FBXL7: variants seen among roughly 807,000 people sequenced by gnomAD.
FBXL7 encodes the protein F-box/LRR-repeat protein 7.
Under a neutral mutation model 38.3 loss-of-function variants are expected in FBXL7, and 12 were observed. The ratio of observed to expected loss-of-function variants is 0.31; its 90% CI spans 0.20 to 0.51. The LOEUF is 0.51. Ranked by LOEUF, FBXL7 falls within the 20% of genes least tolerant of loss-of-function variation. The probability of loss-of-function intolerance (pLI) is 0.98; values close to 1 mark genes in which losing one functional copy is unlikely to be tolerated. For synonymous variants in FBXL7, 297 were observed against 300.9 expected (o/e 0.99, Z 0.13); for missense variants, 567 against 676.4 (o/e 0.84, Z 1.79).
intron 2 of FBXL7, among the ~76,000 whole-genome samples, chr5:15,777,783 T>C (rs1736896556): frequency 6.7e-6 from 1 of 148,928 alleles, no homozygotes; most frequent in Non-Finnish European, 1.5e-5. Context: ...ACTTTTTTCT[T>C]AGATTAGAAT....
intron 2 of FBXL7, among the ~76,000 whole-genome samples, chr5:15,783,842 G>C (rs1410286998): frequency 6.6e-6 from 1 of 152,188 alleles, no homozygotes; most frequent in Admixed American, 6.5e-5. Context: ...GGAAAAGAAT[G>C]GAGTTTTGGA....
intron 2 of FBXL7, among the ~76,000 whole-genome samples, chr5:15,622,984 C>T (rs552394371): frequency 3.3e-5 from 5 of 152,276 alleles, no homozygotes; most frequent in East Asian, 1.9e-4. Context: ...GGATTACAGG[C>T]GTGAGCCACC....
chr5:15,658,143 A>C (rs1741939126), intron 2 of FBXL7, among the ~76,000 whole-genome samples: 1 of 152,192 alleles, frequency 6.6e-6, no homozygotes, highest in Non-Finnish European at 1.5e-5. Flanking sequence ...GTTTGGAAGG[A>C]GTACAGTGTC....
At chr5:15,921,349 C>G (rs998273616) in intron 2 of FBXL7, among the ~76,000 whole-genome samples, 1 of 147,910 alleles carries the variant, frequency 6.8e-6, no homozygotes, top group Non-Finnish European at 1.5e-5. Context: ...CCATTGCACT[C>G]CAGCCTGGGT....
At chr5:15,811,313 C>T (rs562430034) in intron 2 of FBXL7, among the ~76,000 whole-genome samples, 8 of 152,118 alleles carry the variant, frequency 5.3e-5, no homozygotes, top group Non-Finnish European at 1.2e-4. Context: ...GCTCTGGAGT[C>T]GAAAAGTCCA....
chr5:15,785,078 C>T (rs75803106), intron 2 of FBXL7, among the ~76,000 whole-genome samples: 1,634 of 152,290 alleles, frequency 0.011, 12 homozygotes, highest in Non-Finnish European at 0.017. Context: ...TTCTGTCTAA[C>T]TAGCACGAGA....
intron 1 of FBXL7, among the ~76,000 whole-genome samples, chr5:15,536,188 A>T (rs975716406): frequency 6.6e-6 from 1 of 152,242 alleles, no homozygotes; most frequent in Non-Finnish European, 1.5e-5. Context: ...TCCAGGCAGA[A>T]GTCTGCTGTG....
rs148133221 is a variant in FBXL7 at position 15,922,544 on chromosome 5, AT to A, written c.128-5342del. On this transcript the variant is annotated intron_variant, in intron 2 of 3. Coordinates refer to ENST00000504595, the MANE Select transcript of FBXL7 (RefSeq NM_012304.5). ...ATGCTACAGTTTCACCACAATCCCCATTTTCAGTTACCAAAAGGCCTTCTCA... is the reference window on the plus strand; with the variant it reads ...ATGCTACAGTTTCACCACAATCCCCATTTCAGTTACCAAAAGGCCTTCTCA... 2.4e-3 allele frequency among the ~76,000 whole-genome samples: 366 copies of A among 152,292 alleles called. 3 individuals carry two copies. Among genetic ancestry groups the A allele is most frequent in the African/African-American group, 8.5e-3 (355 of 41,564 alleles).
intron 2 of FBXL7, among the ~76,000 whole-genome samples, chr5:15,748,558 T>C (rs1219274971): frequency 6.6e-6 from 1 of 152,198 alleles, no homozygotes; most frequent in East Asian, 1.9e-4. Flanking sequence ...TGTTTGCTTC[T>C]CTTTTGCCTT....
In FBXL7 at chr5:15,541,443, GTATATATATATATATA is replaced by G. The variant is rs56810372; in HGVS notation, c.37+40753_37+40768del. Among the ~76,000 whole-genome samples, 156 of 38,446 alleles carry G rather than the reference GTATATATATATATATA, an allele frequency of 4.1e-3. 2 individuals are homozygous for G. The highest frequency in any genetic ancestry group is 0.043 in the Middle Eastern group (2 of 46). The allele number at this position is 38,446 out of a possible 152,430, so 25.2% of individuals were successfully genotyped here. Reference sequence around the variant, plus strand: ...ACATATAGTATATATGTGTGTGTGTGTATATATATATATATATATATATATATATATATATATAAAG... The same window carrying G: ...ACATATAGTATATATGTGTGTGTGTGTATATATATATATATATATATAAAG... On this transcript the variant is annotated intron_variant, in intron 1 of 3. Transcript: ENST00000504595.
At chr5:15,770,451 G>C (rs1736699949) in intron 2 of FBXL7, among the ~76,000 whole-genome samples, 1 of 152,152 alleles carries the variant, frequency 6.6e-6, no homozygotes, top group Non-Finnish European at 1.5e-5. Context: ...TACCCACCTT[G>C]AATACAGCTA....
chr5:15,672,352 C>T (rs539204113), intron 2 of FBXL7, among the ~76,000 whole-genome samples: 2 of 152,222 alleles, frequency 1.3e-5, no homozygotes, highest in East Asian at 1.9e-4. Flanking sequence ...AAAATATCCT[C>T]AACGTTTATT....
chr5:15,731,090 T>G (rs1735571166), intron 2 of FBXL7, among the ~76,000 whole-genome samples: 1 of 152,088 alleles, frequency 6.6e-6, no homozygotes. Flanking sequence ...GACATAACCG[T>G]CTGAGTACAT....
chr5:15,746,946 TTTC>T (rs1297955519), intron 2 of FBXL7, among the ~76,000 whole-genome samples: 1 of 152,112 alleles, frequency 6.6e-6, no homozygotes, highest in Admixed American at 6.5e-5. Context: ...GCTGTAAAAG[TTTC>T]TTAACACTCA....
chr5:15,925,317 A>G (rs1012416302), intron 2 of FBXL7, among the ~76,000 whole-genome samples: 1 of 152,258 alleles, frequency 6.6e-6, no homozygotes, highest in Non-Finnish European at 1.5e-5. Context: ...CTTAAAGGAG[A>G]TGGCATTTGC....
chr5:15,672,656 G>T (rs1251411854), intron 2 of FBXL7, among the ~76,000 whole-genome samples: 1 of 150,750 alleles, frequency 6.6e-6, no homozygotes, highest in Non-Finnish European at 1.5e-5. Context: ...CCAGGTTCAA[G>T]CAATTCTCCT....
At chr5:15,930,221 G>A (rs906428965) in intron 3 of FBXL7, among the ~76,000 whole-genome samples, 2 of 152,090 alleles carry the variant, frequency 1.3e-5, no homozygotes, top group Non-Finnish European at 2.9e-5. Flanking sequence ...AAGGAATTCT[G>A]GAAAGAGAAA....
At chr5:15,631,217 A>G (rs1740987258) in intron 2 of FBXL7, among the ~76,000 whole-genome samples, 1 of 152,224 alleles carries the variant, frequency 6.6e-6, no homozygotes, top group South Asian at 2.1e-4. Context: ...CTTAGCATAT[A>G]TGGACACTGA....
chr5:15,810,584 CATGAA>C (rs1737834070), intron 2 of FBXL7, among the ~76,000 whole-genome samples: 1 of 150,276 alleles, frequency 6.7e-6, no homozygotes, highest in Non-Finnish European at 1.5e-5. Context: ...AAGTATAAAA[CATGAA>C]ATACAGATTT....
Sources: gnomAD v4.1 joint callset for allele counts (sites outside exome capture counted in the v4.1 genomes callset) on GRCh38, gnomAD v4.1.1 for gene constraint, MANE v1.5 for transcripts, NCBI Gene and HGNC (gene_info 2026-07-23, HGNC 2026-07-21) for gene names.